Variants in SCNN1G observed in about 807,000 individuals in gnomAD.
The protein encoded by SCNN1G is epithelial sodium channel subunit gamma.
Under a neutral mutation model 64.6 loss-of-function variants are expected in SCNN1G, and 27 were observed. The ratio of observed to expected loss-of-function variants is 0.42; its 90% CI spans 0.31 to 0.58. SCNN1G has a LOEUF of 0.58. Among genes scored for constraint, SCNN1G ranks in the 20% least tolerant of loss-of-function variants. SCNN1G has a pLI of 0.18. For missense variants in SCNN1G, 743 were observed against 823.4 expected (o/e 0.90, Z 1.19); for synonymous variants, 330 against 314.2 (o/e 1.05, Z -0.53).
chr16:23,186,231 G>GCCCGTCCTCAGAGT lies in SCNN1G; in HGVS notation c.-30_-17dup. 1 of 1,604,612 alleles carries GCCCGTCCTCAGAGT rather than the reference G, an allele frequency of 6.2e-7. No homozygotes were observed. The highest frequency in any genetic ancestry group is 2.2e-5 in the East Asian group (1 of 44,856). On this transcript the variant is annotated 5_prime_UTR_variant, in exon 2 of 13. Coordinates refer to ENST00000300061, the MANE Select transcript of SCNN1G (RefSeq NM_001039.4). ...CTTCTCTTCTTTGCCCCTCCAGCACGCCCGTCCTCAGAGTCCCGTCCTCAA... is the reference window on the plus strand; with the variant it reads ...CTTCTCTTCTTTGCCCCTCCAGCACGCCCGTCCTCAGAGTCCCGTCCTCAGAGTCCCGTCCTCAA...
chr16:23,196,351 G>C (rs1201243413), intron 5 of SCNN1G: 1 of 151,894 alleles, frequency 6.6e-6, no homozygotes, highest in African/African-American at 2.4e-5. Context: ...GAGGTGGGGA[G>C]ACAGTGGGAG....
intron 1 of SCNN1G, among the ~76,000 whole-genome samples, chr16:23,183,642 C>A: frequency 6.6e-6 from 1 of 152,162 alleles, no homozygotes; most frequent in East Asian, 1.9e-4. Flanking sequence ...ATTACCTAAC[C>A]TCTGTGCCTC....
chr16:23,199,634 A>C (rs1316354526), intron 6 of SCNN1G, among the ~76,000 whole-genome samples: 3 of 141,036 alleles, frequency 2.1e-5, no homozygotes, highest in East Asian at 4.1e-4. Context: ...TCATTCTTTC[A>C]TAATGATGTT....
chr16:23,216,460 C>T lies in SCNN1G; in HGVS notation c.*991C>T, dbSNP rs140837753. The T allele has an allele frequency of 6.6e-6, 1 of 152,280 alleles. No homozygotes were observed. Among genetic ancestry groups the T allele is most frequent in the African/African-American group, 2.4e-5 (1 of 41,524 alleles). 9.4% of individuals were successfully genotyped at this position (152,280 alleles called of 1,614,324 possible). ...ACTTCATACCACATTCACATCTTTC[C>T]ACCTGAAATGGCTAACAGGTATTAA... On this transcript the variant is annotated 3_prime_UTR_variant, in exon 13 of 13. Transcript: ENST00000300061.
At chr16:23,187,244 G>T (rs532682738) in intron 2 of SCNN1G, among the ~76,000 whole-genome samples, 1 of 151,966 alleles carries the variant, frequency 6.6e-6, no homozygotes, top group Non-Finnish European at 1.5e-5. Context: ...GAGTAGCTGG[G>T]ACTATAGGCA....
intron 6 of SCNN1G, among the ~76,000 whole-genome samples, chr16:23,197,891 A>G (rs1215343723): frequency 7.0e-6 from 1 of 143,054 alleles, no homozygotes; most frequent in African/African-American, 2.6e-5. Flanking sequence ...AAAAAAAAAA[A>G]GGTTGTATTT....
chr16:23,185,172 C>G (rs1246109184), intron 1 of SCNN1G, among the ~76,000 whole-genome samples: 1 of 152,176 alleles, frequency 6.6e-6, no homozygotes, highest in African/African-American at 2.4e-5. Context: ...GATATTCAAC[C>G]TCTCTGAGCC....
At chr16:23,211,913 C>G (rs987813813) in intron 7 of SCNN1G, 121 bp from the exon 8 acceptor site, 3 of 781,944 alleles carry the variant, frequency 3.8e-6, no homozygotes, top group Non-Finnish European at 4.6e-6. Context: ...GCATAAGGGG[C>G]AGGTTCATGT....
intron 7 of SCNN1G, among the ~76,000 whole-genome samples, chr16:23,211,826 A>G (rs887379021): frequency 1.3e-5 from 2 of 152,192 alleles, no homozygotes; most frequent in Admixed American, 6.5e-5. Context: ...CATAAAAAAT[A>G]AAAATAATAA....
rs755041899 is a variant in SCNN1G, at chr16:23,197,401, A to G, written c.1051A>G (p.Met351Val). 41 of 1,614,134 alleles carry G rather than the reference A, an allele frequency of 2.5e-5. No individual in the cohort carries two copies. In the East Asian group the frequency reaches 6.0e-4, roughly 24 times the overall value. ...TGTGGGAACAGAGATTGAGACAGCAATGGTCACCTCTATAGGAATGCACCT... is the reference window on the plus strand; with the variant it reads ...TGTGGGAACAGAGATTGAGACAGCAGTGGTCACCTCTATAGGAATGCACCT... ...EDVGTEIETA[M>V]VTSIGMHLTE... is the part of the protein sequence containing the mutation. Residue 351 changes from methionine (M) to valine (V), a missense_variant, in exon 6 of 13, where the codon ATG becomes GTG. By Grantham distance (21) the Met-to-Val change is conservative (BLOSUM62 1). Transcript: ENST00000300061.
Position 23,213,039 on chromosome 16 carries a change from G to A in SCNN1G, c.1432-63G>A, listed in dbSNP as rs374967546. Reference sequence around the variant, plus strand: ...CTGGGGGACAAGTTGGGGAGCCTGAGGCGGGAGGCTGGCCCTAGCCTCTCA... The same window carrying A: ...CTGGGGGACAAGTTGGGGAGCCTGAAGCGGGAGGCTGGCCCTAGCCTCTCA... On this transcript the variant is annotated intron_variant, in intron 10 of 12. Coordinates refer to ENST00000300061, the MANE Select transcript of SCNN1G (RefSeq NM_001039.4). 59 of 1,547,920 alleles carry A rather than the reference G, an allele frequency of 3.8e-5. No individual in the cohort carries two copies. The East Asian group carries it at 7.4e-4, about 19-fold the overall frequency.
intron 5 of SCNN1G, 82 bp from the exon 6 acceptor site, chr16:23,197,182 C>A: frequency 8.5e-7 from 1 of 1,171,524 alleles, no homozygotes; most frequent in East Asian, 2.4e-5. Flanking sequence ...GTTTGAAGCT[C>A]CTGAAGCAGT....
intron 6 of SCNN1G, among the ~76,000 whole-genome samples, chr16:23,207,253 C>T (rs1960005400): frequency 6.6e-6 from 1 of 152,218 alleles, no homozygotes; most frequent in African/African-American, 2.4e-5. Context: ...CCTAAGTGGA[C>T]AGACCCCTCA....
chr16:23,187,758 G>A (rs759080012), intron 2 of SCNN1G, among the ~76,000 whole-genome samples: 4 of 152,128 alleles, frequency 2.6e-5, no homozygotes, highest in East Asian at 1.9e-4. Flanking sequence ...TATCATCCTC[G>A]GCAGGACCTG....
In SCNN1G at chr16:23,197,471, C is replaced by CT. The variant is rs764518754; in HGVS notation, c.1077+53dup. 610 of 1,556,190 alleles carry CT rather than the reference C, an allele frequency of 3.9e-4. 1 individual carries two copies. The highest frequency in any genetic ancestry group is 5.3e-4 in the Middle Eastern group (3 of 5,678). On this transcript the variant is annotated intron_variant, in intron 6 of 12. Coordinates refer to ENST00000300061, the MANE Select transcript of SCNN1G (RefSeq NM_001039.4). ...TTCCATAGGCTTGGAGAGAACAGAT[C>CT]TTTTTTTTTCCAAGGATAACCAATG...
chr16:23,208,931 C>T (rs573497667), intron 6 of SCNN1G, among the ~76,000 whole-genome samples: 7 of 152,144 alleles, frequency 4.6e-5, no homozygotes, highest in East Asian at 1.9e-4. Flanking sequence ...CCTCCTCCCA[C>T]GTCCCAGTGG....
chr16:23,192,358 A>T lies in SCNN1G; in HGVS notation c.625A>T (p.Asn209Tyr), dbSNP rs772430365. Residue 209 changes from asparagine (N) to tyrosine (Y), a missense_variant, in exon 4 of 13, where the codon AAT becomes TAT. By Grantham distance (143) the Asn-to-Tyr change is moderately radical (BLOSUM62 -2). Coordinates refer to ENST00000300061, the MANE Select transcript of SCNN1G (RefSeq NM_001039.4). ...KQVVGFQLCS[N>Y]DTSDCATYTF... ...CATCTCCTCTTATTCACAGTGCTCA[A>T]ATGACACCTCCGACTGTGCCACCTA... is the stretch of plus-strand genomic sequence containing the variant. The T allele has an allele frequency of 6.2e-7, 1 of 1,613,988 alleles. No homozygotes were observed.
At chr16:23,186,768 G>T (rs920279173) in intron 2 of SCNN1G, among the ~76,000 whole-genome samples, 180 bp downstream of exon 2, 1 of 152,102 alleles carries the variant, frequency 6.6e-6, no homozygotes, top group African/African-American at 2.4e-5. Context: ...TTCTAAATCT[G>T]TATGTACCAA....
Position 23,194,246 on chromosome 16 carries a change from C to T in SCNN1G, c.885C>T (p.Leu295=), listed in dbSNP as rs781654234. The T allele has an allele frequency of 5.0e-6, 8 of 1,612,904 alleles. No individual in the cohort carries two copies. The South Asian group carries it at 8.8e-5, about 18-fold the overall frequency. The part of the protein sequence containing the change: ...TFNNRENETI[L]STSMGGSEYG... ...ACAACAGAGAAAATGAGACCATTCTCAGCACCTCCATGGGGGGCAGCGAAT... is the reference window on the plus strand; with the variant it reads ...ACAACAGAGAAAATGAGACCATTCTTAGCACCTCCATGGGGGGCAGCGAAT... Residue 295 remains leucine (L), a synonymous_variant, in exon 5 of 13, where the codon CTC becomes CTT. Transcript: ENST00000300061.
Sources: gnomAD v4.1 joint callset for allele counts (sites outside exome capture counted in the v4.1 genomes callset) on GRCh38, gnomAD v4.1.1 for gene constraint, MANE v1.5 for transcripts, NCBI Gene and HGNC (gene_info 2026-07-23, HGNC 2026-07-21) for gene names.